ENOX1: variants seen among roughly 807,000 people sequenced by gnomAD.
The protein encoded by ENOX1 is ecto-NOX disulfide-thiol exchanger 1.
In ENOX1, 42 loss-of-function variants were observed where a neutral mutation model predicts 82.5. The ratio of observed to expected loss-of-function variants is 0.51; its 90% CI spans 0.40 to 0.66. The LOEUF is 0.66. Among genes scored for constraint, ENOX1 ranks in the 30% least tolerant of loss-of-function variants. The pLI, the probability that ENOX1 is intolerant of heterozygous loss-of-function variation, is 0.00. For missense variants in ENOX1, 608 were observed against 811.6 expected, an observed-to-expected ratio of 0.75 and a Z score of 3.05; for synonymous variants, 271 against 282.2, an observed-to-expected ratio of 0.96 and a Z score of 0.40.
At chr13:43,758,476 G>C (rs373159651) in intron 1 of ENOX1, among the ~76,000 whole-genome samples, 1 of 147,890 alleles carries the variant, frequency 6.8e-6, no homozygotes, top group Admixed American at 6.8e-5. Flanking sequence ...ACAGAGGAGG[G>C]ACAAGAAGAG....
rs575155476 is a variant in ENOX1, at chr13:43,360,166, G to A, written c.383-109C>T. ...GTAACTTTCTCCAGACTGAGTGACG[G>A]TAAATTTCTATGCCAACTTAACATT... On this transcript the variant is annotated intron_variant, in intron 6 of 16. Coordinates refer to ENST00000690772, the MANE Select transcript of ENOX1 (RefSeq NM_001347969.2). 8.8e-5 allele frequency: 83 copies of A among 940,622 alleles called. 1 individual carries two copies. The South Asian group carries it at 1.3e-3, about 14-fold the overall frequency. 58.3% of individuals were successfully genotyped at this position (940,622 alleles called of 1,614,324 possible). A position where few individuals can be genotyped will look rare whatever the true frequency, so the allele number is the denominator to read the frequency against.
At position 43,286,827 on chromosome 13, in the gene ENOX1, C is replaced by G. The variant is rs184197566; in HGVS notation, c.1446+11519G>C. Among the ~76,000 whole-genome samples, 83 of 152,282 alleles carry G rather than the reference C, an allele frequency of 5.5e-4. 1 individual carries two copies. The highest frequency in any genetic ancestry group is 4.7e-3 in the Admixed American group (72 of 15,298). On this transcript the variant is annotated intron_variant, in intron 12 of 16. Coordinates refer to ENST00000690772, the MANE Select transcript of ENOX1 (RefSeq NM_001347969.2). ...TTTCCTTTCGCAGGTTCTTGCTCTG[C>G]TAATGCAAAGACCAAATTAGGGGCT...
intron 2 of ENOX1, among the ~76,000 whole-genome samples, chr13:43,574,195 C>T (rs1027621406): frequency 5.9e-5 from 9 of 152,176 alleles, no homozygotes; most frequent in Non-Finnish European, 1.3e-4. Context: ...AAGGCTAATG[C>T]TGCATATGAC....
At chr13:43,340,836 T>C (rs1382052626) in intron 9 of ENOX1, among the ~76,000 whole-genome samples, 1 of 152,226 alleles carries the variant, frequency 6.6e-6, no homozygotes, top group Admixed American at 6.5e-5. Context: ...ATTCACTCAC[T>C]CATCCACCAA....
chr13:43,331,647 G>A (rs923712593), intron 9 of ENOX1, among the ~76,000 whole-genome samples: 6 of 152,174 alleles, frequency 3.9e-5, no homozygotes, highest in Non-Finnish European at 7.3e-5. Flanking sequence ...TAGGGGAGAA[G>A]GGACAGAAGA....
intron 2 of ENOX1, among the ~76,000 whole-genome samples, chr13:43,533,425 C>A (rs2078317499): frequency 6.6e-6 from 1 of 152,070 alleles, no homozygotes; most frequent in Admixed American, 6.6e-5. Flanking sequence ...TCCTTTAGCT[C>A]TCATGAAGTC....
At chr13:43,302,005 G>A (rs2046604858) in intron 11 of ENOX1, among the ~76,000 whole-genome samples, 1 of 151,592 alleles carries the variant, frequency 6.6e-6, no homozygotes, top group Non-Finnish European at 1.5e-5. Flanking sequence ...CTGGAATACT[G>A]TACTAAATTA....
At chr13:43,415,419 G>A (rs1442585701) in intron 3 of ENOX1, among the ~76,000 whole-genome samples, 1 of 151,570 alleles carries the variant, frequency 6.6e-6, no homozygotes, top group Non-Finnish European at 1.5e-5. Flanking sequence ...TGTGTCCCTG[G>A]GTACTTGAGA....
At chr13:43,504,774 T>G (rs551641941) in intron 2 of ENOX1, among the ~76,000 whole-genome samples, 2 of 151,672 alleles carry the variant, frequency 1.3e-5, no homozygotes, top group East Asian at 3.9e-4. Flanking sequence ...TTTGTAAGAC[T>G]TAAAATTTGC....
At chr13:43,442,410 G>A (rs1017914570) in intron 3 of ENOX1, among the ~76,000 whole-genome samples, 3 of 152,124 alleles carry the variant, frequency 2.0e-5, no homozygotes, top group Non-Finnish European at 4.4e-5. Flanking sequence ...CTTAGCGAAT[G>A]CATTATTAAA....
Position 43,529,042 on chromosome 13 carries a change from A to G in ENOX1, c.-218-44890T>C, listed in dbSNP as rs145979571. Reference sequence around the variant, plus strand: ...TTAAACGTTTCTGCTTGTTTTAAATATTTTACATGTATTAGGTCATTTAAT... The same window carrying G: ...TTAAACGTTTCTGCTTGTTTTAAATGTTTTACATGTATTAGGTCATTTAAT... On this transcript the variant is annotated intron_variant, in intron 2 of 16. Coordinates refer to ENST00000690772, the MANE Select transcript of ENOX1 (RefSeq NM_001347969.2). 2.8e-3 allele frequency among the ~76,000 whole-genome samples: 421 copies of G among 152,036 alleles called. 1 individual carries two copies. The highest frequency in any genetic ancestry group is 9.8e-3 in the African/African-American group (405 of 41,520).
intron 5 of ENOX1, among the ~76,000 whole-genome samples, chr13:43,374,463 C>T (rs1405139178): frequency 1.3e-5 from 2 of 152,212 alleles, no homozygotes; most frequent in East Asian, 3.9e-4. Context: ...CCAGGTTGGT[C>T]TCAAACTCCT....
At chr13:43,568,301 G>A (rs753425151) in intron 2 of ENOX1, among the ~76,000 whole-genome samples, 10 of 152,134 alleles carry the variant, frequency 6.6e-5, no homozygotes, top group African/African-American at 1.4e-4. Context: ...TGACAGGCAC[G>A]AGACACATTG....
At chr13:43,280,128 A>G (rs892554041) in intron 12 of ENOX1, among the ~76,000 whole-genome samples, 3 of 152,232 alleles carry the variant, frequency 2.0e-5, no homozygotes, top group African/African-American at 7.2e-5. Flanking sequence ...AGAAATTTAA[A>G]ATATTAACAT....
chr13:43,434,937 GTTTTTTTTTTTTT>G (rs537775258), intron 3 of ENOX1, among the ~76,000 whole-genome samples: 1 of 75,910 alleles, frequency 1.3e-5, no homozygotes, highest in Admixed American at 1.6e-4. Flanking sequence ...TGTGTGTGTG[GTTTTTTTTTTTTT>G]TTTTTTTTTT....
chr13:43,348,687 G>A (rs991159509), intron 8 of ENOX1, among the ~76,000 whole-genome samples: 6 of 152,186 alleles, frequency 3.9e-5, no homozygotes, highest in African/African-American at 1.4e-4. Flanking sequence ...TGAATCACTT[G>A]GTAGCCACCT....
At chr13:43,424,221 A>G (rs545900514) in intron 3 of ENOX1, among the ~76,000 whole-genome samples, 4 of 152,380 alleles carry the variant, frequency 2.6e-5, no homozygotes, top group South Asian at 4.1e-4. Flanking sequence ...GTCTTCTTAC[A>G]TAAAGGAAAT....
chr13:43,729,601 C>G (rs970343745), intron 1 of ENOX1, among the ~76,000 whole-genome samples: 2 of 152,270 alleles, frequency 1.3e-5, no homozygotes, highest in South Asian at 2.1e-4. Context: ...GTAACAGCAG[C>G]CTTGGGTTAA....
chr13:43,345,240 G>A (rs1235280023), intron 8 of ENOX1, among the ~76,000 whole-genome samples: 2 of 152,164 alleles, frequency 1.3e-5, no homozygotes, highest in Admixed American at 6.5e-5. Flanking sequence ...TGTTTGTAAT[G>A]TATGGTATTG....
Sources: gnomAD v4.1 joint callset for allele counts (sites outside exome capture counted in the v4.1 genomes callset) on GRCh38, gnomAD v4.1.1 for gene constraint, MANE v1.5 for transcripts, NCBI Gene and HGNC (gene_info 2026-07-23, HGNC 2026-07-21) for gene names.